The following DCAF8L2 variants were observed in gnomAD, a reference collection of about 807,000 sequenced individuals.
DCAF8L2 encodes the protein DDB1 and CUL4 associated factor 8 like 2.
For synonymous variants in DCAF8L2, 200 were observed against 190.9 expected (o/e 1.05, Z -0.39); for missense variants, 430 against 490.7 (o/e 0.88, Z 1.17).
chrX:27,673,614 G>A (rs758131630), intron 2 of DCAF8L2, among the ~76,000 whole-genome samples: 3 of 107,137 alleles, frequency 2.8e-5, no homozygotes, highest in Non-Finnish European at 3.8e-5. Context: ...CACTTTTTGA[G>A]CTACCTTATA....
chrX:27,744,026 C>T (rs1421365301), intron 4 of DCAF8L2, among the ~76,000 whole-genome samples: 2 of 111,517 alleles, frequency 1.8e-5, no homozygotes, highest in East Asian at 5.6e-4. Context: ...AGCCACCAGG[C>T]CTGGCCTGTT....
the DCAF8L2 span, among the ~76,000 whole-genome samples, chrX:27,528,497 T>TAC: frequency 3.7e-3 from 380 of 103,188 alleles, 2 homozygotes; most frequent in African/African-American, 0.013. Flanking sequence ...TATATATATA[T>TAC]ATATACACAC....
At chrX:27,739,270 T>C (rs73628829) in intron 4 of DCAF8L2, among the ~76,000 whole-genome samples, 1,951 of 111,310 alleles carry the variant, frequency 0.018, 47 homozygotes, top group African/African-American at 0.06. Flanking sequence ...CTCATAAGTC[T>C]TATAAAAGAG....
the DCAF8L2 span, among the ~76,000 whole-genome samples, chrX:27,566,644 T>A: frequency 1.8e-5 from 2 of 111,490 alleles, no homozygotes; most frequent in African/African-American, 6.5e-5. Flanking sequence ...TTAGTTAGTG[T>A]AGCCAAGGAT....
At chrX:27,693,356 A>C (rs1015677107) in intron 3 of DCAF8L2, among the ~76,000 whole-genome samples, 3 of 111,444 alleles carry the variant, frequency 2.7e-5, no homozygotes, top group Non-Finnish European at 3.8e-5. Flanking sequence ...ATATTATTGA[A>C]AAAAAGAAAA....
chrX:27,626,761 T>C (rs184034996), intron 1 of DCAF8L2, among the ~76,000 whole-genome samples: 5 of 111,705 alleles, frequency 4.5e-5, no homozygotes, highest in African/African-American at 1.3e-4. Flanking sequence ...AGCTGAAATA[T>C]AGGAGGCAAA....
At chrX:27,607,360 T>G (rs2147130994) in intron 1 of DCAF8L2, among the ~76,000 whole-genome samples, 1 of 111,252 alleles carries the variant, frequency 9.0e-6, no homozygotes, top group Non-Finnish European at 1.9e-5. Context: ...AATAATGAAA[T>G]ATGACTTATT....
the DCAF8L2 span, among the ~76,000 whole-genome samples, chrX:27,512,112 T>A: frequency 2.8e-5 from 3 of 107,074 alleles, no homozygotes; most frequent in East Asian, 9.0e-4. Context: ...ACATAAAAAA[T>A]AAAAAAAAAT....
chrX:27,548,124 G>A, the DCAF8L2 span, among the ~76,000 whole-genome samples: 4 of 110,441 alleles, frequency 3.6e-5, no homozygotes, highest in Non-Finnish European at 5.7e-5. Flanking sequence ...GGGGAGCAGG[G>A]AGTAAGGGAG....
chrX:27,529,536 A>T, the DCAF8L2 span, among the ~76,000 whole-genome samples: 2 of 112,059 alleles, frequency 1.8e-5, no homozygotes, highest in Non-Finnish European at 3.8e-5. Context: ...TGGTAAGCAC[A>T]CAAAATAATC....
chrX:27,705,329 A>G (rs1931306958), intron 3 of DCAF8L2, among the ~76,000 whole-genome samples: 1 of 111,741 alleles, frequency 8.9e-6, no homozygotes, highest in African/African-American at 3.3e-5. Context: ...GAGTAAAATT[A>G]CAGGATCATA....
chrX:27,544,928 C>G, the DCAF8L2 span, among the ~76,000 whole-genome samples: 2 of 112,172 alleles, frequency 1.8e-5, no homozygotes, highest in Admixed American at 9.5e-5. Context: ...TTTAATTACT[C>G]AGTTCCTTCC....
chrX:27,544,623 C>A, the DCAF8L2 span, among the ~76,000 whole-genome samples: 1 of 111,935 alleles, frequency 8.9e-6, no homozygotes, highest in South Asian at 3.7e-4. Context: ...ATAATGGTTT[C>A]ATTACTTTTC....
rs143956145 is a variant in DCAF8L2, at chrX:27,686,990, G to A, written c.-143+9078G>A. Reference sequence around the variant, plus strand: ...TGCTGCCACTGATCTGACAGAAGGCGGAGCTCAGGCAGTAATGCTCCCTGG... The same window carrying A: ...TGCTGCCACTGATCTGACAGAAGGCAGAGCTCAGGCAGTAATGCTCCCTGG... On this transcript the variant is annotated intron_variant, in intron 3 of 4. Coordinates refer to ENST00000451261, the MANE Select transcript of DCAF8L2 (RefSeq NM_001353450.2). Among the ~76,000 whole-genome samples, 498 of 111,899 alleles carry A rather than the reference G, an allele frequency of 4.5e-3. 1 individual carries two copies. Among genetic ancestry groups the A allele is most frequent in the African/African-American group, 0.015 (470 of 30,786 alleles).
intron 3 of DCAF8L2, among the ~76,000 whole-genome samples, chrX:27,680,035 A>G (rs1199022800): frequency 8.9e-6 from 1 of 111,893 alleles, no homozygotes. Context: ...GACTCCAGAA[A>G]AAAATTCCTG....
chrX:27,537,813 C>T, the DCAF8L2 span, among the ~76,000 whole-genome samples: 1 of 111,811 alleles, frequency 8.9e-6, no homozygotes, highest in Non-Finnish European at 1.9e-5. Flanking sequence ...TATGTTTCAG[C>T]TCATGCAAAG....
chrX:27,529,363 T>C, the DCAF8L2 span, among the ~76,000 whole-genome samples: 2 of 111,027 alleles, frequency 1.8e-5, no homozygotes, highest in Non-Finnish European at 3.8e-5. Context: ...TGATTGATAA[T>C]ATGCATCAGT....
At chrX:27,678,973 ATG>A (rs1388480522) in intron 3 of DCAF8L2, among the ~76,000 whole-genome samples, 1 of 111,738 alleles carries the variant, frequency 8.9e-6, no homozygotes, top group Non-Finnish European at 1.9e-5. Context: ...GTTTGAATGT[ATG>A]TGGACGGAAA....
At chrX:27,542,314 G>A in the DCAF8L2 span, among the ~76,000 whole-genome samples, 332 of 110,712 alleles carry the variant, frequency 3.0e-3, 1 homozygote, top group South Asian at 5.0e-3. Context: ...TTATATTCCC[G>A]CCAACAATGT....
Sources: gnomAD v4.1 joint callset for allele counts (sites outside exome capture counted in the v4.1 genomes callset) on GRCh38, gnomAD v4.1.1 for gene constraint, MANE v1.5 for transcripts, NCBI Gene and HGNC (gene_info 2026-07-23, HGNC 2026-07-21) for gene names.